ADK: variants seen among roughly 807,000 people sequenced by gnomAD.
ADK encodes the protein adenosine kinase.
Under a neutral mutation model 44.7 loss-of-function variants are expected in ADK, and 24 were observed. The ratio of observed to expected loss-of-function variants is 0.54; its 90% CI spans 0.39 to 0.76. The LOEUF (loss-of-function observed/expected upper bound fraction) is 0.76. ADK is among the 30% of genes least tolerant of loss of function. ADK has a pLI of 0.00. For synonymous variants in ADK, 128 were observed against 142.6 expected (o/e 0.90, Z 0.73); for missense variants, 321 against 425.1 (o/e 0.76, Z 2.15).
At chr10:74,531,050 G>A (rs1849273518) in intron 7 of ADK, among the ~76,000 whole-genome samples, 1 of 152,172 alleles carries the variant, frequency 6.6e-6, no homozygotes, top group East Asian at 1.9e-4. Context: ...AGAAATAGCT[G>A]AATAGAGGGA....
intron 6 of ADK, among the ~76,000 whole-genome samples, chr10:74,499,588 T>C (rs1847819363): frequency 6.6e-6 from 1 of 151,836 alleles, no homozygotes; most frequent in African/African-American, 2.4e-5. Flanking sequence ...CTCAGGAGGC[T>C]GAGGCAGGAG....
At chr10:74,258,422 T>C (rs1845908541) in intron 3 of ADK, among the ~76,000 whole-genome samples, 1 of 152,146 alleles carries the variant, frequency 6.6e-6, no homozygotes, top group African/African-American at 2.4e-5. Flanking sequence ...TAATTTAAAG[T>C]TTTGATGAAC....
intron 6 of ADK, among the ~76,000 whole-genome samples, chr10:74,433,517 T>C (rs991015906): frequency 1.3e-5 from 2 of 152,182 alleles, no homozygotes; most frequent in Non-Finnish European, 2.9e-5. Flanking sequence ...ATGTAGTTCA[T>C]CCAACAGTAA....
intron 3 of ADK, among the ~76,000 whole-genome samples, chr10:74,269,849 T>C (rs1846358992): frequency 6.6e-6 from 1 of 152,052 alleles, no homozygotes; most frequent in Non-Finnish European, 1.5e-5. Flanking sequence ...ATACAAAAAA[T>C]TAGCTGGGCG....
chr10:74,382,963 C>T (rs1843021921), intron 4 of ADK, among the ~76,000 whole-genome samples: 1 of 151,808 alleles, frequency 6.6e-6, no homozygotes, highest in African/African-American at 2.4e-5. Flanking sequence ...TTCCCCCCCT[C>T]CTCTCACACA....
chr10:74,371,385 A>T (rs1324200706), intron 4 of ADK: 3 of 573,446 alleles, frequency 5.2e-6, no homozygotes, highest in African/African-American at 1.9e-5. Flanking sequence ...CTGTTTGTAG[A>T]TAACATGATC....
chr10:74,215,392 C>A (rs1843973520), intron 2 of ADK, among the ~76,000 whole-genome samples: 1 of 152,192 alleles, frequency 6.6e-6, no homozygotes, highest in South Asian at 2.1e-4. Flanking sequence ...TCACTTACAA[C>A]CTCCATCTCC....
rs117389477 is a variant in ADK at position 74,439,367 on chromosome 10, T to A, written c.555+40788T>A. Reference sequence around the variant, plus strand: ...CTTATCTTTTGAGTTCAGGAAGTACTTTAAATTTACAGGCAGCTTTGAAGA... The same window carrying A: ...CTTATCTTTTGAGTTCAGGAAGTACATTAAATTTACAGGCAGCTTTGAAGA... On this transcript the variant is annotated intron_variant, in intron 6 of 10. Transcript: ENST00000539909. Among the ~76,000 whole-genome samples the A allele has an allele frequency of 1.1e-3, 171 of 152,318 alleles. 1 individual carries two copies. Among genetic ancestry groups the A allele is most frequent in the Non-Finnish European group, 2.1e-3 (146 of 68,018 alleles).
At chr10:74,236,799 C>G (rs184690046) in intron 3 of ADK, among the ~76,000 whole-genome samples, 5 of 152,072 alleles carry the variant, frequency 3.3e-5, no homozygotes, top group African/African-American at 1.2e-4. Context: ...CTATTGTATA[C>G]AATAACATTG....
At chr10:74,304,753 A>T (rs180735954) in intron 3 of ADK, among the ~76,000 whole-genome samples, 1 of 152,216 alleles carries the variant, frequency 6.6e-6, no homozygotes, top group South Asian at 2.1e-4. Context: ...AGCAGCAGCA[A>T]TTCTTATTTA....
Position 74,437,980 on chromosome 10 carries a change from T to C in ADK, c.555+39401T>C, listed in dbSNP as rs1845243760. 2.0e-5 allele frequency among the ~76,000 whole-genome samples: 3 copies of C among 152,222 alleles called. No homozygotes were observed. In the South Asian group the frequency reaches 6.2e-4, roughly 31 times the overall value. On this transcript the variant is annotated intron_variant, in intron 6 of 10. Transcript: ENST00000539909. ...ATGCTCTTCACTGTTTTCTAAGGGC[T>C]GACTCATGTATAACCTTCAACATTC...
chr10:74,172,175 A>C (rs987004920), intron 1 of ADK, among the ~76,000 whole-genome samples: 1 of 111,792 alleles, frequency 8.9e-6, no homozygotes, highest in Non-Finnish European at 1.8e-5. Context: ...GTCTTGTTCT[A>C]TCTCTCAGGC....
chr10:74,379,052 G>A (rs1242676637), intron 4 of ADK, among the ~76,000 whole-genome samples: 2 of 152,126 alleles, frequency 1.3e-5, no homozygotes, highest in African/African-American at 4.8e-5. Context: ...AGAGGTAAAG[G>A]GAAGTGGCTT....
At chr10:74,169,833 C>A (rs1031695436) in intron 1 of ADK, among the ~76,000 whole-genome samples, 1 of 152,104 alleles carries the variant, frequency 6.6e-6, no homozygotes, top group Non-Finnish European at 1.5e-5. Context: ...TTTTGAGATA[C>A]AAGTATGCAC....
At chr10:74,425,016 G>A (rs1034042590) in intron 6 of ADK, among the ~76,000 whole-genome samples, 4 of 152,160 alleles carry the variant, frequency 2.6e-5, no homozygotes, top group African/African-American at 9.6e-5. Context: ...TGTTTCTGCT[G>A]GCTGTTACTC....
intron 2 of ADK, 59 bp from the exon 3 acceptor site, chr10:74,224,479 C>G: frequency 7.1e-7 from 1 of 1,400,478 alleles, no homozygotes; most frequent in Non-Finnish European, 1.0e-6. Flanking sequence ...AAGAGGTCAG[C>G]TAACTTACGT....
chr10:74,168,880 T>C (rs1014922808), intron 1 of ADK, among the ~76,000 whole-genome samples: 2 of 152,092 alleles, frequency 1.3e-5, no homozygotes, highest in Non-Finnish European at 2.9e-5. Context: ...CAAACTGCTG[T>C]GATTACAGAC....
intron 1 of ADK, among the ~76,000 whole-genome samples, chr10:74,169,464 C>T (rs572591699): frequency 2.6e-5 from 4 of 152,108 alleles, no homozygotes; most frequent in African/African-American, 9.7e-5. Context: ...TTGTAGCTCA[C>T]AGAAAATAAA....
intron 6 of ADK, among the ~76,000 whole-genome samples, chr10:74,512,846 A>G (rs773169097): frequency 2.6e-5 from 4 of 151,720 alleles, no homozygotes; most frequent in Non-Finnish European, 5.9e-5. Context: ...GAGGTTTATC[A>G]TCAAGTTGTT....
Sources: allele counts gnomAD v4.1 joint callset (sites outside exome capture counted in the v4.1 genomes callset), GRCh38; gene constraint gnomAD v4.1.1; transcripts MANE v1.5; gene names NCBI Gene and HGNC (gene_info 2026-07-23, HGNC 2026-07-21).